PRKD1: variants seen among roughly 807,000 people sequenced by gnomAD.
The protein encoded by PRKD1 is serine/threonine-protein kinase D1.
PRKD1 carries 63 observed loss-of-function variants against 95.9 expected under a neutral mutation model. The observed-to-expected ratio is 0.66, with a 90% CI of 0.54 to 0.81. The LOEUF is 0.81. Among genes scored for constraint, PRKD1 ranks in the 30% least tolerant of loss-of-function variants. The pLI is 0.00. For missense variants in PRKD1, 1,048 were observed against 1,165.3 expected, an observed-to-expected ratio of 0.90 and a Z score of 1.47; for synonymous variants, 425 against 423.1, an observed-to-expected ratio of 1.00 and a Z score of -0.05.
At chr14:29,740,471 G>A (rs1029948858) in intron 1 of PRKD1, among the ~76,000 whole-genome samples, 2 of 152,176 alleles carry the variant, frequency 1.3e-5, no homozygotes, top group African/African-American at 2.4e-5. Flanking sequence ...GTGGTAGGTA[G>A]TGCCAGAATA....
chr14:29,676,716 G>T (rs1281142575), intron 2 of PRKD1, among the ~76,000 whole-genome samples: 1 of 152,122 alleles, frequency 6.6e-6, no homozygotes, highest in Non-Finnish European at 1.5e-5. Context: ...TTAAGGTAGG[G>T]GTGGATGAAA....
intron 1 of PRKD1, among the ~76,000 whole-genome samples, chr14:29,885,194 C>G (rs574162738): frequency 6.7e-4 from 102 of 151,490 alleles, no homozygotes; most frequent in African/African-American, 2.4e-3. Flanking sequence ...CGTGGGGGAC[C>G]TGACAATTCT....
At chr14:29,915,789 C>T (rs1051738593) in intron 1 of PRKD1, among the ~76,000 whole-genome samples, 11 of 152,162 alleles carry the variant, frequency 7.2e-5, no homozygotes, top group Non-Finnish European at 1.0e-4. Context: ...AATTTCCTCC[C>T]ATAATCTGAT....
chr14:29,764,082 A>G (rs913325539), intron 1 of PRKD1, among the ~76,000 whole-genome samples: 4 of 152,114 alleles, frequency 2.6e-5, no homozygotes, highest in African/African-American at 9.7e-5. Flanking sequence ...TGCAGAAGAG[A>G]ATCACCTGGG....
chr14:29,794,520 C>T (rs1475600319), intron 1 of PRKD1, among the ~76,000 whole-genome samples: 3 of 151,978 alleles, frequency 2.0e-5, no homozygotes, highest in African/African-American at 7.2e-5. Flanking sequence ...CATAGATTTT[C>T]ATCAGGCTAT....
At chr14:29,660,208 C>T (rs10149145) in intron 4 of PRKD1, among the ~76,000 whole-genome samples, 5,510 of 152,286 alleles carry the variant, frequency 0.036, 288 homozygotes, top group African/African-American at 0.12. Flanking sequence ...CATAAATCAG[C>T]TGGTCTGTGT....
Position 29,724,091 on chromosome 14 carries a change from C to A in PRKD1, c.403+1445G>T, listed in dbSNP as rs45623835. ...GAAGAGCAGGTCTGGCTCATTAATGCTGGGATAACATGCAAATAAGCAGTC... is the reference window on the plus strand; with the variant it reads ...GAAGAGCAGGTCTGGCTCATTAATGATGGGATAACATGCAAATAAGCAGTC... On this transcript the variant is annotated intron_variant, in intron 2 of 17. Transcript: ENST00000331968. Among the ~76,000 whole-genome samples, 425 of 152,274 alleles carry A rather than the reference C, an allele frequency of 2.8e-3. 10 individuals carry two copies. In the East Asian group the frequency reaches 0.055, roughly 20 times the overall value.
chr14:29,796,617 GA>G (rs1343811722), intron 1 of PRKD1, among the ~76,000 whole-genome samples: 1 of 152,080 alleles, frequency 6.6e-6, no homozygotes, highest in Non-Finnish European at 1.5e-5. Flanking sequence ...TAAAAGGTCT[GA>G]AAAATGTGGA....
intron 2 of PRKD1, among the ~76,000 whole-genome samples, chr14:29,706,099 C>G (rs1885075690): frequency 6.6e-6 from 1 of 152,078 alleles, no homozygotes; most frequent in Non-Finnish European, 1.5e-5. Context: ...ACATCCTTGT[C>G]AAAATTGTTA....
intron 1 of PRKD1, among the ~76,000 whole-genome samples, chr14:29,805,162 C>T (rs1890184980): frequency 6.6e-6 from 1 of 152,164 alleles, no homozygotes; most frequent in South Asian, 2.1e-4. Flanking sequence ...CTACAACCTC[C>T]TGGGTATTGA....
intron 1 of PRKD1, among the ~76,000 whole-genome samples, chr14:29,728,337 T>C (rs1886267828): frequency 1.3e-5 from 2 of 152,152 alleles, no homozygotes; most frequent in Admixed American, 6.6e-5. Flanking sequence ...GATAAATCTA[T>C]GAGTCTTGAC....
chr14:29,898,357 T>C (rs1223126488), intron 1 of PRKD1, among the ~76,000 whole-genome samples: 1 of 152,138 alleles, frequency 6.6e-6, no homozygotes, highest in East Asian at 1.9e-4. Context: ...TTAGCCAATA[T>C]GTCTAAGAAA....
intron 9 of PRKD1, among the ~76,000 whole-genome samples, chr14:29,631,437 T>C (rs1879998795): frequency 6.6e-6 from 1 of 152,124 alleles, no homozygotes; most frequent in Non-Finnish European, 1.5e-5. Flanking sequence ...TACATGTTAA[T>C]GTAATAACAT....
chr14:29,668,946 AG>A (rs1164919384), intron 2 of PRKD1, among the ~76,000 whole-genome samples: 5 of 152,246 alleles, frequency 3.3e-5, no homozygotes, highest in African/African-American at 1.2e-4. Flanking sequence ...ATCTGAACTG[AG>A]GCAGTCCTGA....
intron 16 of PRKD1, among the ~76,000 whole-genome samples, chr14:29,583,207 A>T (rs927457836): frequency 6.6e-6 from 1 of 152,192 alleles, no homozygotes; most frequent in Non-Finnish European, 1.5e-5. Context: ...ACTATATCCA[A>T]ATACCTAGAT....
chr14:29,864,768 C>T (rs1352537324), intron 1 of PRKD1, among the ~76,000 whole-genome samples: 1 of 151,990 alleles, frequency 6.6e-6, no homozygotes, highest in African/African-American at 2.4e-5. Context: ...TTGAGGAGGG[C>T]AGGGAAATAA....
chr14:29,800,013 T>C (rs1889962420), intron 1 of PRKD1, among the ~76,000 whole-genome samples: 1 of 152,166 alleles, frequency 6.6e-6, no homozygotes, highest in African/African-American at 2.4e-5. Flanking sequence ...GCAAGAAAGC[T>C]GTTATGTGTC....
chr14:29,921,055 G>A (rs1410070269), intron 1 of PRKD1, among the ~76,000 whole-genome samples: 1 of 152,100 alleles, frequency 6.6e-6, no homozygotes, highest in African/African-American at 2.4e-5. Context: ...CCCAAATGTT[G>A]CACCTTTATC....
At chr14:29,690,005 A>C (rs1884136084) in intron 2 of PRKD1, among the ~76,000 whole-genome samples, 1 of 152,148 alleles carries the variant, frequency 6.6e-6, no homozygotes, top group Non-Finnish European at 1.5e-5. Context: ...AAGAAAAGCT[A>C]ATGCATGTTG....
Sources: allele counts gnomAD v4.1 joint callset (sites outside exome capture counted in the v4.1 genomes callset), GRCh38; gene constraint gnomAD v4.1.1; transcripts MANE v1.5; gene names NCBI Gene and HGNC (gene_info 2026-07-23, HGNC 2026-07-21).